MAGI2: variants seen among roughly 807,000 people sequenced by gnomAD.
MAGI2 encodes the protein membrane-associated guanylate kinase, WW and PDZ domain-containing protein 2.
Under a neutral mutation model 133.3 loss-of-function variants are expected in MAGI2, and 35 were observed. That is an observed-to-expected ratio of 0.26 (90% CI 0.20 to 0.35). The LOEUF (loss-of-function observed/expected upper bound fraction) is 0.35, where lower values mean the gene tolerates loss of function less well. Among genes scored for constraint, MAGI2 ranks in the 10% least tolerant of loss-of-function variants. The probability of loss-of-function intolerance (pLI) is 1.00; values close to 1 mark genes in which losing one functional copy is unlikely to be tolerated. For missense variants in MAGI2, 1,636 were observed against 1,863.4 expected (o/e 0.88, Z 2.25); for synonymous variants, 729 against 710.6 (o/e 1.03, Z -0.41).
rs184022954 is a variant in MAGI2, at chr7:78,463,018, C to T, written c.1045+26743G>A. On this transcript the variant is annotated intron_variant, in intron 6 of 21. Coordinates refer to ENST00000354212, the MANE Select transcript of MAGI2 (RefSeq NM_012301.4). ...GATACAGTCAATGGAGTGTAGACTACTCAGAGGGCTATGGCTAGAGTTAAA... is the reference window on the plus strand; with the variant it reads ...GATACAGTCAATGGAGTGTAGACTATTCAGAGGGCTATGGCTAGAGTTAAA... Among the ~76,000 whole-genome samples the T allele has an allele frequency of 5.0e-3, 758 of 152,298 alleles. 4 individuals are homozygous for T. The highest frequency in any genetic ancestry group is 0.02 in the Middle Eastern group (6 of 294).
intron 1 of MAGI2, among the ~76,000 whole-genome samples, chr7:79,191,416 T>C (rs1164396074): frequency 9.3e-6 from 1 of 108,012 alleles, no homozygotes; most frequent in African/African-American, 4.1e-5. Flanking sequence ...TTTTTTTTTT[T>C]TTTTTTTTTT....
At chr7:78,969,716 C>G (rs1048931196) in intron 2 of MAGI2, among the ~76,000 whole-genome samples, 1 of 151,950 alleles carries the variant, frequency 6.6e-6, no homozygotes, top group South Asian at 2.1e-4. Flanking sequence ...TCATTTAACA[C>G]GTTAAATGAT....
At position 78,064,344 on chromosome 7, in the gene MAGI2, G is replaced by GTGTGTGTGTT. The variant is rs1486738380; in HGVS notation, c.3706+14602_3706+14603insAACACACACA. ...GTGATGGTTTTGTGTGTGTGTGTGTGTGTGTGTGTGTGTATCTACATAAAT... is the reference window on the plus strand; with the variant it reads ...GTGATGGTTTTGTGTGTGTGTGTGTGTGTGTGTGTTTGTGTGTGTGTGTATCTACATAAAT... On this transcript the variant is annotated intron_variant, in intron 21 of 21. Coordinates refer to ENST00000354212, the MANE Select transcript of MAGI2 (RefSeq NM_012301.4). Among the ~76,000 whole-genome samples, 3 of 152,124 alleles carry GTGTGTGTGTT rather than the reference G, an allele frequency of 2.0e-5. No homozygotes were observed. The East Asian group carries it at 5.8e-4, about 29-fold the overall frequency.
chr7:78,864,687 C>T (rs1409451856), intron 2 of MAGI2, among the ~76,000 whole-genome samples: 1 of 152,144 alleles, frequency 6.6e-6, no homozygotes, highest in African/African-American at 2.4e-5. Flanking sequence ...ATTTCATTTT[C>T]ATTTTGCTCT....
Position 78,482,991 on chromosome 7 carries a change from T to C in MAGI2, c.1045+6770A>G, listed in dbSNP as rs147259881. ...TACTTGTATACCTGGCAAAATACAA[T>C]CTGTAATACAATACATGTATATTGT... On this transcript the variant is annotated intron_variant, in intron 6 of 21. Transcript: ENST00000354212. Among the ~76,000 whole-genome samples, 820 of 144,754 alleles carry C rather than the reference T, an allele frequency of 5.7e-3. 4 individuals are homozygous for C. The highest frequency in any genetic ancestry group is 0.017 in the African/African-American group (664 of 38,644). The allele number at this position is 144,754 out of a possible 152,430, so 95.0% of individuals were successfully genotyped here.
chr7:78,892,297 A>T (rs1796832500), intron 2 of MAGI2, among the ~76,000 whole-genome samples: 1 of 152,214 alleles, frequency 6.6e-6, no homozygotes, highest in African/African-American at 2.4e-5. Flanking sequence ...GAAAATGGCC[A>T]TACTGCCCAA....
intron 11 of MAGI2, among the ~76,000 whole-genome samples, chr7:78,195,350 GT>G (rs909303047): frequency 7.2e-5 from 11 of 152,090 alleles, no homozygotes; most frequent in East Asian, 1.9e-4. Context: ...TAATTTCTCT[GT>G]TTTTTTCCCC....
At chr7:78,605,437 C>A (rs1290328237) in intron 3 of MAGI2, among the ~76,000 whole-genome samples, 1 of 152,120 alleles carries the variant, frequency 6.6e-6, no homozygotes, top group Non-Finnish European at 1.5e-5. Context: ...CACTGATTAA[C>A]ATGTAGAATT....
chr7:78,337,870 T>C (rs1393458172), intron 9 of MAGI2, among the ~76,000 whole-genome samples: 1 of 147,526 alleles, frequency 6.8e-6, no homozygotes, highest in South Asian at 2.2e-4. Flanking sequence ...TTTCTTCATT[T>C]ATAAAAGCAT....
intron 1 of MAGI2, among the ~76,000 whole-genome samples, chr7:79,126,547 C>T (rs1820421432): frequency 6.6e-6 from 1 of 151,810 alleles, no homozygotes; most frequent in African/African-American, 2.4e-5. Flanking sequence ...GTGACAGAGC[C>T]ATGACACAGT....
Position 79,292,655 on chromosome 7 carries a change from A to C in MAGI2, c.301+160365T>G, listed in dbSNP as rs1312289823. On this transcript the variant is annotated intron_variant, in intron 1 of 21. Transcript: ENST00000354212. ...CACCAAAAAAAAATAAAAGAAAAAA[A>C]AAGTTTTAAAATTGGGAGGTACCCT... Among the ~76,000 whole-genome samples the C allele has an allele frequency of 2.0e-5, 3 of 151,028 alleles. No individual in the cohort carries two copies. The East Asian group carries it at 5.9e-4, about 29-fold the overall frequency.
intron 2 of MAGI2, among the ~76,000 whole-genome samples, chr7:78,734,896 T>C (rs1821701066): frequency 6.6e-6 from 1 of 152,182 alleles, no homozygotes; most frequent in African/African-American, 2.4e-5. Context: ...CAGTGAACCC[T>C]GCACACATAT....
At chr7:78,039,088 C>A (rs1370226949) in intron 21 of MAGI2, among the ~76,000 whole-genome samples, 2 of 152,084 alleles carry the variant, frequency 1.3e-5, no homozygotes, top group Non-Finnish European at 2.9e-5. Flanking sequence ...CATCTTAGAG[C>A]CTGTTTATCC....
chr7:79,200,468 A>G (rs907453477), intron 1 of MAGI2, among the ~76,000 whole-genome samples: 1 of 151,196 alleles, frequency 6.6e-6, no homozygotes, highest in Non-Finnish European at 1.5e-5. Flanking sequence ...AAAATTAGCC[A>G]GATTTGGTGA....
At chr7:79,188,863 C>T (rs1235745356) in intron 1 of MAGI2, among the ~76,000 whole-genome samples, 3 of 151,784 alleles carry the variant, frequency 2.0e-5, no homozygotes, top group Non-Finnish European at 4.4e-5. Context: ...GTCTTCCAGA[C>T]ATTTCCATAT....
intron 1 of MAGI2, among the ~76,000 whole-genome samples, chr7:79,021,316 C>T (rs1183236607): frequency 6.6e-6 from 1 of 152,068 alleles, no homozygotes; most frequent in Non-Finnish European, 1.5e-5. Context: ...TCCTTCAGAC[C>T]CTAGAATGGT....
At chr7:78,790,691 C>T (rs147341359) in intron 2 of MAGI2, among the ~76,000 whole-genome samples, 217 of 152,200 alleles carry the variant, frequency 1.4e-3, no homozygotes, top group African/African-American at 5.0e-3. Flanking sequence ...GCCTGGGTCT[C>T]CCAAAGTGCT....
At chr7:79,130,483 G>A (rs182399175) in intron 1 of MAGI2, among the ~76,000 whole-genome samples, 10 of 152,218 alleles carry the variant, frequency 6.6e-5, no homozygotes, top group African/African-American at 2.4e-4. Context: ...TTTGTGCACT[G>A]CATAAGGATG....
intron 2 of MAGI2, among the ~76,000 whole-genome samples, chr7:78,825,202 C>G (rs1241528482): frequency 6.6e-6 from 1 of 151,912 alleles, no homozygotes. Context: ...TGTATACCTA[C>G]GTAACAAACT....
Sources: gnomAD v4.1 joint callset for allele counts (sites outside exome capture counted in the v4.1 genomes callset) on GRCh38, gnomAD v4.1.1 for gene constraint, MANE v1.5 for transcripts, NCBI Gene and HGNC (gene_info 2026-07-23, HGNC 2026-07-21) for gene names.